Variants in GPBP1L1 observed in about 807,000 individuals in gnomAD.
GPBP1L1 encodes the protein GC-rich promoter binding protein 1 like 1.
In GPBP1L1, 23 loss-of-function variants were observed where a neutral mutation model predicts 52.5. The observed-to-expected ratio is 0.44, with a 90% CI of 0.32 to 0.62. The LOEUF (loss-of-function observed/expected upper bound fraction) is 0.62. Among genes scored for constraint, GPBP1L1 ranks in the 20% least tolerant of loss-of-function variants. The pLI, the probability that GPBP1L1 is intolerant of heterozygous loss-of-function variation, is 0.06. For missense variants in GPBP1L1, 596 were observed against 579.3 expected (o/e 1.03, Z -0.30); for synonymous variants, 243 against 203.1 (o/e 1.20, Z -1.67).
intron 6 of GPBP1L1, among the ~76,000 whole-genome samples, chr1:45,647,218 C>CA (rs377142735): frequency 1.6e-4 from 23 of 145,904 alleles, no homozygotes; most frequent in African/African-American, 5.8e-4. Flanking sequence ...TTGCCCAGGC[C>CA]GGAGTGCAAT....
intron 6 of GPBP1L1, among the ~76,000 whole-genome samples, chr1:45,653,200 A>C (rs1167115137): frequency 6.6e-6 from 1 of 152,178 alleles, no homozygotes. Context: ...CTACTAACTG[A>C]TGAAATGGCT....
At chr1:45,633,244 C>G (rs1273554153) in intron 10 of GPBP1L1, among the ~76,000 whole-genome samples, 1 of 152,178 alleles carries the variant, frequency 6.6e-6, no homozygotes, top group Admixed American at 6.5e-5. Flanking sequence ...GTTGCCAACA[C>G]TTGGAAGCAA....
At chr1:45,630,334 G>A in intron 11 of GPBP1L1, 148 bp downstream of exon 11, 2 of 849,966 alleles carry the variant, frequency 2.4e-6, no homozygotes, top group East Asian at 2.6e-5. Context: ...TGAGCAACAG[G>A]CCAACCTGGG....
intron 8 of GPBP1L1, among the ~76,000 whole-genome samples, chr1:45,637,175 G>A (rs191411883): frequency 1.4e-3 from 214 of 152,210 alleles, no homozygotes; most frequent in Non-Finnish European, 2.2e-3. Flanking sequence ...AACTCTTTGC[G>A]ATTACAGGCC....
chr1:45,630,468 T>C lies in GPBP1L1; in HGVS notation c.1169+14A>G. The C allele has an allele frequency of 6.2e-7, 1 of 1,613,482 alleles. No individual in the cohort carries two copies. The highest frequency in any genetic ancestry group is 8.5e-7 in the Non-Finnish European group (1 of 1,179,640). On this transcript the variant is annotated intron_variant, in intron 11 of 12. Transcript: ENST00000355105. ...GTCAGACACTGCATGCCCTGTGATG[T>C]CCTCCTCACTTACCTGTGCTCTGCT...
At chr1:45,636,310 G>C (rs1366458293) in intron 8 of GPBP1L1, among the ~76,000 whole-genome samples, 1 of 152,052 alleles carries the variant, frequency 6.6e-6, no homozygotes, top group Admixed American at 6.6e-5. Context: ...TAGCATTCCA[G>C]ACTCAGTACT....
rs1557708631 is a variant in GPBP1L1 at position 45,655,256 on chromosome 1, C to A, written c.124G>T (p.Val42Leu). The A allele has an allele frequency of 1.2e-6, 2 of 1,614,146 alleles. No homozygotes were observed. Among genetic ancestry groups the A allele is most frequent in the South Asian group, 1.1e-5 (1 of 91,080 alleles). Residue 42 changes from valine to leucine, a missense_variant, in exon 5 of 13, where the codon GTA becomes TTA. By Grantham distance (32) the Val-to-Leu change is conservative. Transcript: ENST00000355105. Reference protein sequence around the residue: ...HLPRGEGRFGVSRRRHNSSDG... With the variant: ...HLPRGEGRFGLSRRRHNSSDG... ...GAGGAATTATGTCGACGGCGGCTTA[C>A]TCCAAATCTACCTTCTCCTCTGGGT...
chr1:45,683,815 G>A (rs1645243386), intron 2 of GPBP1L1, among the ~76,000 whole-genome samples: 1 of 151,552 alleles, frequency 6.6e-6, no homozygotes, highest in African/African-American at 2.4e-5. Flanking sequence ...CCAGCTACTA[G>A]GGAGGTTGAG....
At chr1:45,668,455 G>C (rs923923045) in intron 2 of GPBP1L1, among the ~76,000 whole-genome samples, 6 of 152,068 alleles carry the variant, frequency 3.9e-5, no homozygotes, top group African/African-American at 1.4e-4. Context: ...GGGGTTCAAG[G>C]CCATCCTGGC....
At chr1:45,678,856 G>A (rs1645178995) in intron 2 of GPBP1L1, among the ~76,000 whole-genome samples, 1 of 151,762 alleles carries the variant, frequency 6.6e-6, no homozygotes, top group Admixed American at 6.6e-5. Context: ...ATGGAAAGTG[G>A]GTATCACCAA....
At chr1:45,669,189 A>AG (rs1371712474) in intron 2 of GPBP1L1, among the ~76,000 whole-genome samples, 1 of 152,194 alleles carries the variant, frequency 6.6e-6, no homozygotes, top group Non-Finnish European at 1.5e-5. Flanking sequence ...TTTTGGAGAC[A>AG]GGGTCTCACT....
chr1:45,646,249 A>G (rs1024082762), intron 6 of GPBP1L1: 2 of 226,988 alleles, frequency 8.8e-6, no homozygotes, highest in Admixed American at 5.7e-5. Flanking sequence ...GTACTTACAC[A>G]TTGATGTTTG....
intron 11 of GPBP1L1, among the ~76,000 whole-genome samples, chr1:45,629,899 C>T (rs1053946802): frequency 6.6e-6 from 1 of 151,210 alleles, no homozygotes; most frequent in African/African-American, 2.4e-5. Context: ...AAAGAAGAGA[C>T]AGTAGAAGCA....
chr1:45,654,516 A>C (rs1644858783), intron 6 of GPBP1L1, 27 bp downstream of exon 6: 1 of 1,572,810 alleles, frequency 6.4e-7, no homozygotes, highest in Non-Finnish European at 8.7e-7. Flanking sequence ...TTGGCTTCTA[A>C]CCACACATCT....
intron 10 of GPBP1L1, 51 bp downstream of exon 10, chr1:45,633,438 G>C: frequency 1.3e-6 from 2 of 1,580,346 alleles, no homozygotes; most frequent in Non-Finnish European, 1.7e-6. Flanking sequence ...AATCACGTAT[G>C]TATCAAAGGA....
intron 4 of GPBP1L1, 48 bp downstream of exon 4, chr1:45,658,980 C>G: frequency 2.3e-6 from 3 of 1,329,826 alleles, no homozygotes; most frequent in South Asian, 2.4e-5. Flanking sequence ...AAACCACCCC[C>G]AAACCCTCTC....
intron 6 of GPBP1L1, 146 bp downstream of exon 6, chr1:45,654,397 T>TAACTG: frequency 1.3e-6 from 1 of 782,628 alleles, no homozygotes; most frequent in Non-Finnish European, 1.9e-6. Flanking sequence ...ATTATCAACT[T>TAACTG]AACTTCTTTC....
intron 6 of GPBP1L1, among the ~76,000 whole-genome samples, chr1:45,653,962 G>C (rs1050092797): frequency 1.3e-5 from 2 of 151,846 alleles, no homozygotes; most frequent in African/African-American, 4.8e-5. Flanking sequence ...GCTTCCCAAA[G>C]TGCTCAGATT....
intron 4 of GPBP1L1, among the ~76,000 whole-genome samples, chr1:45,657,935 CA>C (rs1644904021): frequency 6.6e-6 from 1 of 152,160 alleles, no homozygotes; most frequent in African/African-American, 2.4e-5. Flanking sequence ...AGCACCTTCC[CA>C]AAAGTCCACA....
Sources: gnomAD v4.1 joint callset for allele counts (sites outside exome capture counted in the v4.1 genomes callset) on GRCh38, gnomAD v4.1.1 for gene constraint, MANE v1.5 for transcripts, NCBI Gene and HGNC (gene_info 2026-07-23, HGNC 2026-07-21) for gene names.